PIGQ: variants seen among roughly 807,000 people sequenced by gnomAD.
The protein encoded by PIGQ is phosphatidylinositol glycan anchor biosynthesis class Q.
PIGQ carries 54 observed loss-of-function variants against 60.3 expected under a neutral mutation model. The ratio of observed to expected loss-of-function variants is 0.90; its 90% CI spans 0.72 to 1.12. The LOEUF (loss-of-function observed/expected upper bound fraction) is 1.12. PIGQ is among the 50% of genes most tolerant of loss of function. The probability of loss-of-function intolerance (pLI) is 0.00; values close to 1 mark genes in which losing one functional copy is unlikely to be tolerated. For synonymous variants in PIGQ, 416 were observed against 363.7 expected (o/e 1.14, Z -1.64); for missense variants, 799 against 793.5 (o/e 1.01, Z -0.08).
In PIGQ at chr16:583,662, G is replaced by A. The variant is rs201715230; in HGVS notation, c.*627G>A. 6.8e-5 allele frequency: 109 copies of A among 1,610,428 alleles called. 1 individual carries two copies. Among genetic ancestry groups the A allele is most frequent in the Middle Eastern group, 6.6e-4 (4 of 6,080 alleles). On this transcript the variant is annotated 3_prime_UTR_variant, in exon 11 of 11. Transcript: ENST00000321878. Reference sequence around the variant, plus strand: ...AAACCATCAGCAGGCTGTGAGCATCGCCAGGCTGCTGTGGGGGCGGGAGCA... The same window carrying A: ...AAACCATCAGCAGGCTGTGAGCATCACCAGGCTGCTGTGGGGGCGGGAGCA...
intron 4 of PIGQ, chr16:578,130 A>C: frequency 2.3e-6 from 1 of 440,412 alleles, no homozygotes; most frequent in Non-Finnish European, 4.1e-6. Flanking sequence ...GCAGGGGGCC[A>C]CGCGGATGCC....
intron 1 of PIGQ, among the ~76,000 whole-genome samples, chr16:571,180 C>T (rs796411058): frequency 0.027 from 13 of 488 alleles, no homozygotes; most frequent in Admixed American, 0.065. Flanking sequence ...GCCTGGCGCC[C>T]GTGTGTGTGT....
rs747010925 is a variant in PIGQ at position 574,046 on chromosome 16, C to G, written c.-9-20C>G. 1.3e-6 allele frequency: 2 copies of G among 1,544,850 alleles called. No individual in the cohort carries two copies. The highest frequency in any genetic ancestry group is 2.3e-5 in the South Asian group (2 of 85,158). ...GGGGCAGCAGCAGCTCTGAGCCGAGCCTCTCCTCTTCTCTTCCAGCCTCCC... is the reference window on the plus strand; with the variant it reads ...GGGGCAGCAGCAGCTCTGAGCCGAGGCTCTCCTCTTCTCTTCCAGCCTCCC... On this transcript the variant is annotated intron_variant, in intron 1 of 10. Coordinates refer to ENST00000321878, the MANE Select transcript of PIGQ (RefSeq NM_004204.5).
chr16:573,276 G>A (rs1292453417), intron 1 of PIGQ, among the ~76,000 whole-genome samples: 1 of 152,216 alleles, frequency 6.6e-6, no homozygotes, highest in African/African-American at 2.4e-5. Flanking sequence ...CTCTCTCCCC[G>A]TTTCTAGGCA....
At chr16:577,903 G>C (rs941136152) in intron 4 of PIGQ, 1 of 157,244 alleles carries the variant, frequency 6.4e-6, no homozygotes, top group African/African-American at 2.4e-5. Context: ...GCTTGGCACT[G>C]TCTCGCTCAC....
chr16:583,264 C>T lies in PIGQ; in HGVS notation c.*229C>T, dbSNP rs760836113. On this transcript the variant is annotated 3_prime_UTR_variant, in exon 11 of 11. Coordinates refer to ENST00000321878, the MANE Select transcript of PIGQ (RefSeq NM_004204.5). ...GCACTCCATCACTGGCACTGCCTGC[C>T]TTGGGACCCGCTTCCCACCTGCTGC... 39 of 1,612,818 alleles carry T rather than the reference C, an allele frequency of 2.4e-5. No homozygotes were observed. The South Asian group carries it at 3.6e-4, about 15-fold the overall frequency.
At position 570,031 on chromosome 16, in the gene PIGQ, C is replaced by T. The variant is rs2035595461; in HGVS notation, c.-75C>T. On this transcript the variant is annotated 5_prime_UTR_variant, in exon 1 of 11. Coordinates refer to ENST00000321878, the MANE Select transcript of PIGQ (RefSeq NM_004204.5). ...GCGAGCGCCGTCGTCTGCCCGGGCC[C>T]GCCCATCGGGGTCCCCAACCCCATC... 6.7e-6 allele frequency: 1 copy of T among 149,796 alleles called. No individual in the cohort carries two copies. The highest frequency in any genetic ancestry group is 2.4e-5 in the African/African-American group (1 of 41,284). 9.3% of individuals were successfully genotyped at this position (149,796 alleles called of 1,614,324 possible).
At chr16:582,171 A>C (rs745555019) in intron 9 of PIGQ, 77 bp from the exon 10 acceptor site, 5 of 1,047,410 alleles carry the variant, frequency 4.8e-6, no homozygotes, top group East Asian at 2.6e-5. Context: ...CTCAGAGAGG[A>C]AGGTACCTGC....
intron 1 of PIGQ, chr16:572,660 T>G (rs1188839262): frequency 2.0e-5 from 9 of 455,792 alleles, no homozygotes; most frequent in Non-Finnish European, 4.0e-5. Context: ...CATCCCACTC[T>G]GTTCCCTCGT....
At chr16:572,955 G>A (rs1027046918) in intron 1 of PIGQ, among the ~76,000 whole-genome samples, 4 of 152,252 alleles carry the variant, frequency 2.6e-5, no homozygotes, top group African/African-American at 2.4e-5. Flanking sequence ...TCCACTCTTC[G>A]TGCAGGCGAG....
At position 575,932 on chromosome 16, in the gene PIGQ, C is replaced by A. The variant is rs1470650892; in HGVS notation, c.783C>A (p.Phe261Leu). Residue 261 changes from phenylalanine to leucine, a missense_variant, in exon 3 of 11, where the codon TTC (phenylalanine) becomes TTA (leucine). Coordinates refer to ENST00000321878, the MANE Select transcript of PIGQ (RefSeq NM_004204.5). ...RHRLEHLTLI[F>L]STRKAENPAQ... ...GGCTGGAGCACCTCACGCTAATCTTCAGTACACGGAAGGCGGAGAACCCTG... is the reference window on the plus strand; with the variant it reads ...GGCTGGAGCACCTCACGCTAATCTTAAGTACACGGAAGGCGGAGAACCCTG... 1 of 1,584,790 alleles carries A rather than the reference C, an allele frequency of 6.3e-7. No individual in the cohort carries two copies. The highest frequency in any genetic ancestry group is 1.1e-5 in the South Asian group (1 of 86,994).
rs767160386 is a variant in PIGQ at position 578,472 on chromosome 16, C to T, written c.1036C>T (p.Arg346Cys). Reference protein sequence around the residue: ...MNRALDQVLGRFFLYHIHLWI... With the variant: ...MNRALDQVLGCFFLYHIHLWI... ...CCGTGCACTGGACCAGGTGCTGGGC[C>T]GCTTCTTCCTCTACCACATCCACCT... Residue 346 changes from arginine (R) to cysteine (C), a missense_variant, in exon 5 of 11, where the codon CGC becomes TGC. Coordinates refer to ENST00000321878, the MANE Select transcript of PIGQ (RefSeq NM_004204.5). The T allele has an allele frequency of 3.7e-6, 6 of 1,612,660 alleles. No individual in the cohort carries two copies. Among genetic ancestry groups the T allele is most frequent in the Middle Eastern group, 1.7e-4 (1 of 6,054 alleles).
chr16:574,551 G>C lies in PIGQ; in HGVS notation c.477G>C (p.Thr159=), dbSNP rs752792719. 3.7e-6 allele frequency: 6 copies of C among 1,603,774 alleles called. No homozygotes were observed. The highest frequency in any genetic ancestry group is 5.1e-6 in the Non-Finnish European group (6 of 1,175,832). Residue 159 remains threonine, a synonymous_variant, in exon 2 of 11, where the codon ACG becomes ACC. Coordinates refer to ENST00000321878, the MANE Select transcript of PIGQ (RefSeq NM_004204.5). The part of the protein sequence containing the change: ...DRQAGATTAS[T]GGLAAVFDTV... ...AGGCTGGAGCCACCACTGCCAGCACGGGGGGCCTGGCTGCCGTCTTCGACA... is the reference window on the plus strand; with the variant it reads ...AGGCTGGAGCCACCACTGCCAGCACCGGGGGCCTGGCTGCCGTCTTCGACA...
intron 8 of PIGQ, 65 bp from the exon 9 acceptor site, chr16:580,793 G>C: frequency 1.3e-6 from 1 of 792,420 alleles, no homozygotes; most frequent in Non-Finnish European, 2.3e-6. Context: ...GCCCAGGATG[G>C]GGTCGGACTG....
Position 574,179 on chromosome 16 carries a change from C to A in PIGQ, c.105C>A (p.Val35=), listed in dbSNP as rs1269592336. Residue 35 remains valine (V), a synonymous_variant, in exon 2 of 11, where the codon GTC becomes GTA. Transcript: ENST00000321878. ...PEQSSAVVLA[V]LHFPFIPIQV... is the part of the protein sequence containing the mutation. ...AGAGCAGCGCCGTGGTCCTGGCGGTCCTGCACTTTCCCTTCATCCCCATCC... is the reference window on the plus strand; with the variant it reads ...AGAGCAGCGCCGTGGTCCTGGCGGTACTGCACTTTCCCTTCATCCCCATCC... The A allele has an allele frequency of 1.2e-6, 2 of 1,612,584 alleles. No individual in the cohort carries two copies. Among genetic ancestry groups the A allele is most frequent in the African/African-American group, 2.7e-5 (2 of 74,936 alleles).
At chr16:571,508 G>T (rs1596380750) in intron 1 of PIGQ, among the ~76,000 whole-genome samples, 1 of 108,090 alleles carries the variant, frequency 9.3e-6, no homozygotes, top group Non-Finnish European at 1.8e-5. Flanking sequence ...GTGTGTGTGT[G>T]TGTGTGTGTG....
rs2035674739 is a variant in PIGQ, at chr16:574,065, G to C, written c.-9-1G>C. 6.3e-7 allele frequency: 1 copy of C among 1,584,506 alleles called. No individual in the cohort carries two copies. Among genetic ancestry groups the C allele is most frequent in the Non-Finnish European group, 8.6e-7 (1 of 1,165,190 alleles). On this transcript the variant is annotated splice_acceptor_variant, in intron 1 of 10. Transcript: ENST00000321878. LOFTEE classifies it low-confidence loss of function (5UTR_SPLICE). ...GCCGAGCCTCTCCTCTTCTCTTCCA[G>C]CCTCCCGGCATGGTGCTCAAGGCCT...
chr16:582,459 G>A (rs1426779588), intron 10 of PIGQ, 150 bp downstream of exon 10: 9 of 618,428 alleles, frequency 1.5e-5, no homozygotes, highest in Non-Finnish European at 2.2e-5. Flanking sequence ...AGGCCCACGC[G>A]GGACCCCCTC....
Position 574,049 on chromosome 16 carries a change from C to G in PIGQ, c.-9-17C>G, listed in dbSNP as rs780890620. The G allele has an allele frequency of 1.9e-6, 3 of 1,559,814 alleles. No homozygotes were observed. Among genetic ancestry groups the G allele is most frequent in the African/African-American group, 2.7e-5 (2 of 73,956 alleles). On this transcript the variant is annotated splice_polypyrimidine_tract_variant and intron_variant, in intron 1 of 10. Coordinates refer to ENST00000321878, the MANE Select transcript of PIGQ (RefSeq NM_004204.5). ...GCAGCAGCAGCTCTGAGCCGAGCCT[C>G]TCCTCTTCTCTTCCAGCCTCCCGGC... is the stretch of plus-strand genomic sequence containing the variant.
Sources: gnomAD v4.1 joint callset for allele counts (sites outside exome capture counted in the v4.1 genomes callset) on GRCh38, gnomAD v4.1.1 for gene constraint, MANE v1.5 for transcripts, NCBI Gene and HGNC (gene_info 2026-07-23, HGNC 2026-07-21) for gene names.